The following SEMA5A variants were observed in gnomAD, a reference collection of about 807,000 sequenced individuals.
The protein encoded by SEMA5A is semaphorin 5A.
Under a neutral mutation model 135.5 loss-of-function variants are expected in SEMA5A, and 55 were observed. The observed-to-expected ratio is 0.41, with a 90% CI of 0.33 to 0.51. SEMA5A has a LOEUF of 0.51. SEMA5A is among the 20% of genes least tolerant of loss of function. The probability of loss-of-function intolerance (pLI) is 0.37; values close to 1 mark genes in which losing one functional copy is unlikely to be tolerated. For synonymous variants in SEMA5A, 580 were observed against 546.5 expected (o/e 1.06, Z -0.85); for missense variants, 1,290 against 1,419.9 (o/e 0.91, Z 1.47).
chr5:9,182,139 T>C (rs998437649), intron 11 of SEMA5A, among the ~76,000 whole-genome samples: 15 of 147,984 alleles, frequency 1.0e-4, no homozygotes, highest in South Asian at 2.1e-4. Context: ...CTGCTTGTTT[T>C]ATTGCTTCTG....
At chr5:9,504,067 T>C (rs1214822596) in intron 1 of SEMA5A, among the ~76,000 whole-genome samples, 1 of 151,064 alleles carries the variant, frequency 6.6e-6, no homozygotes, top group Non-Finnish European at 1.5e-5. Flanking sequence ...ATACAAAAAT[T>C]AGCCAGGCAT....
At chr5:9,489,322 A>G (rs552880210) in intron 1 of SEMA5A, among the ~76,000 whole-genome samples, 46 of 152,278 alleles carry the variant, frequency 3.0e-4, no homozygotes, top group African/African-American at 1.1e-3. Context: ...GGCTTGGGGT[A>G]TAAGGGTTTC....
chr5:9,398,380 C>A (rs143941381), intron 2 of SEMA5A, among the ~76,000 whole-genome samples: 14 of 152,198 alleles, frequency 9.2e-5, no homozygotes, highest in African/African-American at 3.4e-4. Flanking sequence ...TGAGAGTTTC[C>A]CCCACATATC....
intron 11 of SEMA5A, among the ~76,000 whole-genome samples, chr5:9,161,063 A>G (rs1743226383): frequency 6.6e-6 from 1 of 152,188 alleles, no homozygotes; most frequent in East Asian, 1.9e-4. Context: ...CATGTCCTGG[A>G]ACAAATAAGT....
chr5:9,346,665 G>A (rs1753884247), intron 3 of SEMA5A, among the ~76,000 whole-genome samples: 2 of 152,194 alleles, frequency 1.3e-5, no homozygotes, highest in South Asian at 2.1e-4. Context: ...GTCTGAGTCA[G>A]TGGAACTCAC....
chr5:9,361,607 C>T (rs1754698444), intron 3 of SEMA5A, among the ~76,000 whole-genome samples: 2 of 152,212 alleles, frequency 1.3e-5, no homozygotes, highest in South Asian at 2.1e-4. Flanking sequence ...TTTTCATCCA[C>T]CTCATAATGC....
chr5:9,196,291 G>A (rs932315219), intron 10 of SEMA5A, among the ~76,000 whole-genome samples: 33 of 152,260 alleles, frequency 2.2e-4, no homozygotes, highest in Admixed American at 1.9e-3. Flanking sequence ...AGGTCATAAG[G>A]GTGGGGCCCT....
chr5:9,340,387 C>A (rs866773563), intron 3 of SEMA5A, among the ~76,000 whole-genome samples: 4 of 152,234 alleles, frequency 2.6e-5, no homozygotes, highest in Middle Eastern at 6.8e-3. Flanking sequence ...AAGAGATGAG[C>A]CTCTAAGAGG....
intron 1 of SEMA5A, among the ~76,000 whole-genome samples, chr5:9,440,710 A>G (rs963640924): frequency 6.6e-6 from 1 of 152,264 alleles, no homozygotes; most frequent in South Asian, 2.1e-4. Context: ...AGTGCTCATC[A>G]GCACATGACT....
At chr5:9,048,415 G>C (rs1009807860) in intron 21 of SEMA5A, among the ~76,000 whole-genome samples, 1 of 152,114 alleles carries the variant, frequency 6.6e-6, no homozygotes, top group Non-Finnish European at 1.5e-5. Flanking sequence ...CAAAATCTCT[G>C]AAAAGTAATG....
At position 9,237,983 on chromosome 5, in the gene SEMA5A, G is replaced by A. The variant is rs145894596; in HGVS notation, c.271-93C>T. ...TAACAAGGCACTGGTAACCAGATTA[G>A]GAAATATGGCTGCATCCTGGCACCA... On this transcript the variant is annotated intron_variant, in intron 5 of 22. Transcript: ENST00000382496. The A allele has an allele frequency of 1.4e-4, 161 of 1,110,584 alleles. No individual in the cohort carries two copies. The East Asian group carries it at 2.3e-3, about 16-fold the overall frequency. 68.8% of individuals were successfully genotyped at this position (1,110,584 alleles called of 1,614,324 possible).
At chr5:9,160,537 G>T (rs906443544) in intron 11 of SEMA5A, among the ~76,000 whole-genome samples, 1 of 152,224 alleles carries the variant, frequency 6.6e-6, no homozygotes, top group Non-Finnish European at 1.5e-5. Context: ...GCTGTCACCA[G>T]ACCAACTCTC....
At chr5:9,309,696 C>A in intron 5 of SEMA5A, among the ~76,000 whole-genome samples, 1 of 152,062 alleles carries the variant, frequency 6.6e-6, no homozygotes, top group East Asian at 1.9e-4. Flanking sequence ...GAATGTTCAG[C>A]TTCTAGGAGG....
chr5:9,054,185 C>T lies in SEMA5A; in HGVS notation c.2591G>A (p.Arg864Lys). Reference protein sequence around the residue: ...SATCGGGHYMRTRSCSNPAPA... With the variant: ...SATCGGGHYMKTRSCSNPAPA... ...GGCTGGATTGGAGCAAGAGCGGGTC[C>T]TCATATAGTGTCCACCGCCGCATGT... The change falls in exon 19 of 23, where the codon AGG (arginine) becomes AAG (lysine). Residue 864 changes from arginine to lysine, a missense_variant. Coordinates refer to ENST00000382496, the MANE Select transcript of SEMA5A (RefSeq NM_003966.3). 6.2e-7 allele frequency: 1 copy of T among 1,614,040 alleles called. No homozygotes were observed. The highest frequency in any genetic ancestry group is 1.3e-5 in the African/African-American group (1 of 75,024).
chr5:9,220,258 A>G (rs1237073238), intron 8 of SEMA5A, among the ~76,000 whole-genome samples: 1 of 152,206 alleles, frequency 6.6e-6, no homozygotes, highest in Non-Finnish European at 1.5e-5. Context: ...TACGGTGTAC[A>G]CTGTTCAGGT....
At chr5:9,377,107 GAAA>G (rs57379643) in intron 3 of SEMA5A, among the ~76,000 whole-genome samples, 4 of 89,866 alleles carry the variant, frequency 4.5e-5, no homozygotes, top group African/African-American at 8.2e-5. Flanking sequence ...TGTAGCTACC[GAAA>G]AAAAAAAAAA....
At chr5:9,229,975 C>T (rs532373275) in intron 6 of SEMA5A, among the ~76,000 whole-genome samples, 1 of 151,846 alleles carries the variant, frequency 6.6e-6, no homozygotes, top group East Asian at 1.9e-4. Flanking sequence ...CTGTAGGTTG[C>T]TTTCTTTTGT....
At chr5:9,503,911 T>C (rs939654479) in intron 1 of SEMA5A, among the ~76,000 whole-genome samples, 4 of 152,170 alleles carry the variant, frequency 2.6e-5, no homozygotes, top group African/African-American at 7.2e-5. Context: ...CCATTCCCTC[T>C]AATTATAACG....
intron 5 of SEMA5A, among the ~76,000 whole-genome samples, chr5:9,263,978 T>C (rs1273837347): frequency 6.6e-6 from 1 of 152,226 alleles, no homozygotes; most frequent in Non-Finnish European, 1.5e-5. Flanking sequence ...CTAGAAAATC[T>C]AGTTTTGTTG....
Sources: allele counts gnomAD v4.1 joint callset (sites outside exome capture counted in the v4.1 genomes callset), GRCh38; gene constraint gnomAD v4.1.1; transcripts MANE v1.5; gene names NCBI Gene and HGNC (gene_info 2026-07-23, HGNC 2026-07-21).